THOP1: variants seen among roughly 807,000 people sequenced by gnomAD.
THOP1 encodes thimet oligopeptidase 1.
A neutral mutation model predicts 71.8 loss-of-function variants in THOP1; 49 were observed. That is an observed-to-expected ratio of 0.68 (90% CI 0.54 to 0.87). THOP1 has a LOEUF of 0.87. THOP1 is among the 40% of genes least tolerant of loss of function. THOP1 has a pLI of 0.00. For missense variants in THOP1, 843 were observed against 975.6 expected, an observed-to-expected ratio of 0.86 and a Z score of 1.81; for synonymous variants, 426 against 421.5, an observed-to-expected ratio of 1.01 and a Z score of -0.13.
chr19:2,803,691 C>G (rs145285845), intron 5 of THOP1, among the ~76,000 whole-genome samples: 1 of 152,176 alleles, frequency 6.6e-6, no homozygotes, highest in East Asian at 1.9e-4. Context: ...AGGCCTCCCC[C>G]TCATGCTGCA....
intron 4 of THOP1, 114 bp downstream of exon 4, chr19:2,796,302 G>T: frequency 1.2e-6 from 1 of 803,306 alleles, no homozygotes; most frequent in Non-Finnish European, 2.0e-6. Flanking sequence ...CGCAGGGCAG[G>T]GGGAGTGCTG....
At chr19:2,812,316 G>C in intron 12 of THOP1, 1 of 1,535,422 alleles carries the variant, frequency 6.5e-7, no homozygotes, top group Non-Finnish European at 8.7e-7. Flanking sequence ...GTGGCTACCA[G>C]CTTTGAGGGC....
At chr19:2,802,459 CCACCTCCCGACACCAA>C (rs1422963095) in intron 5 of THOP1, among the ~76,000 whole-genome samples, 93 of 141,668 alleles carry the variant, frequency 6.6e-4, no homozygotes, top group Non-Finnish European at 1.1e-3. Flanking sequence ...CCCGACACCC[CCACCTCCCGACACCAA>C]CACCTCCCGA....
Position 2,810,745 on chromosome 19 carries a change from T to G in THOP1, c.1748T>G (p.Ile583Ser). ...GAGTATGCGCGGCTCTGCCAGGAGA[T>G]CCTCGGGGTCCCGGCCACGCCAGGT... Reference protein sequence around the residue: ...AEEYARLCQEILGVPATPGTN... With the variant: ...AEEYARLCQESLGVPATPGTN... The change falls in exon 11 of 13, where the codon ATC becomes AGC. Residue 583 changes from isoleucine (I) to serine (S), a missense_variant. By Grantham distance (142) the Ile-to-Ser change is moderately radical. Transcript: ENST00000307741. 6.2e-7 allele frequency: 1 copy of G among 1,601,458 alleles called. No individual in the cohort carries two copies. Among genetic ancestry groups the G allele is most frequent in the Non-Finnish European group, 8.5e-7 (1 of 1,175,586 alleles).
rs1916147013 is a variant in THOP1, at chr19:2,801,676, G to A, written c.589+1885G>A. Among the ~76,000 whole-genome samples the A allele has an allele frequency of 6.6e-6, 1 of 152,194 alleles. No individual in the cohort carries two copies. Among genetic ancestry groups the A allele is most frequent in the African/African-American group, 2.4e-5 (1 of 41,442 alleles). On this transcript the variant is annotated intron_variant, in intron 5 of 12. Transcript: ENST00000307741. This position sits in a 1 kb window ranked among gnomAD's most constrained non-coding sequence, Gnocchi z 5.1. ...GGAATTAACTTGTCACAGCTCTGGA[G>A]GCTGAGAAGTCCCAGGTCGAGGGGC... is the stretch of plus-strand genomic sequence containing the variant.
chr19:2,803,704 C>T (rs1036720491), intron 5 of THOP1, among the ~76,000 whole-genome samples: 2 of 152,220 alleles, frequency 1.3e-5, no homozygotes, highest in African/African-American at 4.8e-5. Context: ...ATGCTGCAGT[C>T]ACTCGGCAGA....
At chr19:2,812,824 G>A (rs1001019602) in intron 12 of THOP1, among the ~76,000 whole-genome samples, 2 of 152,248 alleles carry the variant, frequency 1.3e-5, no homozygotes, top group African/African-American at 4.8e-5. Context: ...AGCCACTTCT[G>A]TTCATGGGCT....
intron 2 of THOP1, among the ~76,000 whole-genome samples, chr19:2,794,557 G>A: frequency 6.6e-6 from 1 of 152,154 alleles, no homozygotes; most frequent in East Asian, 1.9e-4. Context: ...AAGGACACAG[G>A]CAACAGCACC....
At chr19:2,797,886 A>C (rs1916056573) in intron 4 of THOP1, among the ~76,000 whole-genome samples, 5 of 152,220 alleles carry the variant, frequency 3.3e-5, no homozygotes. Context: ...TGAGGCAACC[A>C]AGACTCAGAG....
intron 9 of THOP1, 21 bp from the exon 10 acceptor site, chr19:2,810,283 G>A (rs1394616318): frequency 6.2e-7 from 1 of 1,607,142 alleles, no homozygotes; most frequent in Admixed American, 1.7e-5. Flanking sequence ...GGCACTCTGA[G>A]GCTCTGCCCC....
intron 9 of THOP1, 117 bp downstream of exon 9, chr19:2,808,561 T>G (rs1440751187): frequency 8.4e-7 from 1 of 1,194,210 alleles, no homozygotes; most frequent in African/African-American, 1.6e-5. Flanking sequence ...GTCCGGTGGC[T>G]CCTTCATCCA....
At chr19:2,792,507 A>C (rs1915910371) in intron 2 of THOP1, among the ~76,000 whole-genome samples, 1 of 125,048 alleles carries the variant, frequency 8.0e-6, no homozygotes. Flanking sequence ...AGACGTGCGG[A>C]GCCTCCTCCA....
chr19:2,810,237 G>A (rs893184345), intron 9 of THOP1, 67 bp from the exon 10 acceptor site: 9 of 1,547,956 alleles, frequency 5.8e-6, no homozygotes, highest in South Asian at 2.4e-5. Flanking sequence ...CAGCTGACAC[G>A]GGCCAGGCCG....
In THOP1 at chr19:2,794,807, C is replaced by A; in HGVS notation, c.273C>A (p.Ser91=). The change falls in exon 3 of 13, where the codon TCC becomes TCA. Residue 91 remains serine, a synonymous_variant. Transcript: ENST00000307741. ...ACTTCCCCCAGCATGTTTCCCCCTC[C>A]AAGGACATCCGGACAGCCAGCACAG... The part of the protein sequence containing the change: ...ILDFPQHVSP[S]KDIRTASTEA... 1 of 1,614,010 alleles carries A rather than the reference C, an allele frequency of 6.2e-7. No homozygotes were observed. Among genetic ancestry groups the A allele is most frequent in the East Asian group, 2.2e-5 (1 of 44,878 alleles).
intron 3 of THOP1, 30 bp downstream of exon 3, chr19:2,794,942 G>A (rs756640454): frequency 3.1e-6 from 5 of 1,590,684 alleles, no homozygotes; most frequent in Non-Finnish European, 3.4e-6. Flanking sequence ...AGTGCAAATA[G>A]CCTCCCAAGT....
chr19:2,798,276 C>A (rs1452872803), intron 4 of THOP1, among the ~76,000 whole-genome samples: 1 of 152,128 alleles, frequency 6.6e-6, no homozygotes, highest in Admixed American at 6.6e-5. Flanking sequence ...AGTGATTCAC[C>A]CGCCTTGGCC....
In THOP1 at chr19:2,805,938, C is replaced by CGGGCGGGTGCCCATCACTGCGGGGGGAT. The variant is rs1488971065; in HGVS notation, c.750+789_750+816dup. 2 of 18,728 alleles carry CGGGCGGGTGCCCATCACTGCGGGGGGAT rather than the reference C, an allele frequency of 1.1e-4. No homozygotes were observed. The highest frequency in any genetic ancestry group is 4.6e-3 in the East Asian group (1 of 216). The allele number at this position is 18,728 out of a possible 1,614,324, so 1.2% of individuals were successfully genotyped here. A position where few individuals can be genotyped will look rare whatever the true frequency, so the allele number is the denominator to read the frequency against. ...GCGGGTGCCCATCACTGCGGGGGGACGGGCGGGTGCCCATCACTGCGGGGG... is the reference window on the plus strand; with the variant it reads ...GCGGGTGCCCATCACTGCGGGGGGACGGGCGGGTGCCCATCACTGCGGGGGGATGGGCGGGTGCCCATCACTGCGGGGG... On this transcript the variant is annotated intron_variant, in intron 6 of 12. Transcript: ENST00000307741. This position sits in a 1 kb window ranked among gnomAD's most constrained non-coding sequence, Gnocchi z 6.6.
chr19:2,813,185 G>A lies in THOP1; in HGVS notation c.1979G>A (p.Arg660His), dbSNP rs1428873373. ...GSEDASAMLR[R>H]FLGRDPKQDA... ...GAGGATGCCAGCGCCATGCTGAGGC[G>A]CTTCCTGGGCCGTGACCCCAAGCAG... Residue 660 changes from arginine to histidine, a missense_variant, in exon 13 of 13, where the codon CGC (arginine) becomes CAC (histidine). Arg to His is a conservative substitution (Grantham distance 29). Coordinates refer to ENST00000307741, the MANE Select transcript of THOP1 (RefSeq NM_003249.5). 1.4e-5 allele frequency: 22 copies of A among 1,612,276 alleles called. No individual in the cohort carries two copies. The highest frequency in any genetic ancestry group is 8.0e-5 in the African/African-American group (6 of 74,898).
intron 5 of THOP1, 149 bp downstream of exon 5, chr19:2,799,940 G>A (rs1916107364): frequency 3.0e-6 from 2 of 670,712 alleles, no homozygotes; most frequent in Admixed American, 2.9e-5. Flanking sequence ...ACCGCCCTGG[G>A]CTGAGGACTT....
Sources: gnomAD v4.1 joint callset for allele counts (sites outside exome capture counted in the v4.1 genomes callset) on GRCh38, gnomAD v4.1.1 for gene constraint, Gnocchi (gnomAD v3.1) non-coding constraint, MANE v1.5 for transcripts, NCBI Gene and HGNC (gene_info 2026-07-23, HGNC 2026-07-21) for gene names.